The following ANKFY1 variants were observed in gnomAD, a reference collection of about 807,000 sequenced individuals.
ANKFY1 encodes the protein ankyrin repeat and FYVE domain containing 1, also known as ankyrin repeat and FYVE domain-containing protein 1.
Under a neutral mutation model 128.3 loss-of-function variants are expected in ANKFY1, and 47 were observed. The observed-to-expected ratio is 0.37, with a 90% CI of 0.29 to 0.47. The LOEUF (loss-of-function observed/expected upper bound fraction) is 0.47. Ranked by LOEUF, ANKFY1 falls within the 20% of genes least tolerant of loss-of-function variation. ANKFY1 has a pLI of 1.00. For missense variants in ANKFY1, 1,222 were observed against 1,510.6 expected (o/e 0.81, Z 3.17); for synonymous variants, 553 against 601.6 (o/e 0.92, Z 1.18).
rs547977256 is a variant in ANKFY1 at position 4,173,767 on chromosome 17, C to T, written c.2923+142G>A. On this transcript the variant is annotated intron_variant, in intron 20 of 24. Coordinates refer to ENST00000341657, the MANE Select transcript of ANKFY1 (RefSeq NM_001330063.2). ...GGCCTGGGCAGTCGCAGGTTGGATG[C>T]TCTACCCAGAGCACTTCCTGTCACA... The T allele has an allele frequency of 5.0e-6, 6 of 1,196,838 alleles. No homozygotes were observed. The African/African-American group carries it at 6.1e-5, about 12-fold the overall frequency. The allele number at this position is 1,196,838 out of a possible 1,614,324, so 74.1% of individuals were successfully genotyped here.
intron 4 of ANKFY1, among the ~76,000 whole-genome samples, chr17:4,214,856 G>A (rs2060194677): frequency 6.6e-6 from 1 of 152,088 alleles, no homozygotes; most frequent in Non-Finnish European, 1.5e-5. Context: ...ATGACAGAAG[G>A]TAAACAATGA....
chr17:4,246,096 T>C lies in ANKFY1; in HGVS notation c.11-3648A>G, dbSNP rs1474114469. 2.0e-5 allele frequency among the ~76,000 whole-genome samples: 3 copies of C among 151,910 alleles called. 1 individual carries two copies. The highest frequency in any genetic ancestry group is 4.1e-4 in the South Asian group (2 of 4,820). On this transcript the variant is annotated intron_variant, in intron 1 of 24. Coordinates refer to ENST00000341657, the MANE Select transcript of ANKFY1 (RefSeq NM_001330063.2). ...ACCAAAGAAAAAAAATTATGAGTAA[T>C]AGAGAAGACAGGCAATTAAGCCAAC...
chr17:4,216,702 AT>A, intron 4 of ANKFY1: 1 of 417,106 alleles, frequency 2.4e-6, no homozygotes, highest in African/African-American at 2.0e-5. Context: ...AAGTTTGGAC[AT>A]TGGATTATAT....
chr17:4,223,770 A>G lies in ANKFY1; in HGVS notation c.323-6652T>C. 1.9e-6 allele frequency: 3 copies of G among 1,550,746 alleles called. No individual in the cohort carries two copies. In the South Asian group the frequency reaches 3.4e-5, roughly 17 times the overall value. On this transcript the variant is annotated intron_variant, in intron 3 of 24. Coordinates refer to ENST00000341657, the MANE Select transcript of ANKFY1 (RefSeq NM_001330063.2). Reference sequence around the variant, plus strand: ...GCCTTAGATCCGGGGGAGAGGCCCAAGTTTCAGCAGCTGGTACAGTGTCTC... The same window carrying G: ...GCCTTAGATCCGGGGGAGAGGCCCAGGTTTCAGCAGCTGGTACAGTGTCTC...
chr17:4,223,057 GGC>G, intron 3 of ANKFY1: 1 of 738,834 alleles, frequency 1.4e-6, no homozygotes, highest in Non-Finnish European at 2.5e-6. Context: ...GGTACTCTTG[GGC>G]ATATTTTCCA....
chr17:4,249,309 T>C (rs1168693545), intron 1 of ANKFY1: 1 of 154,028 alleles, frequency 6.5e-6, no homozygotes, highest in Non-Finnish European at 1.4e-5. Context: ...AAAAATACTT[T>C]ATTTATGAAC....
intron 3 of ANKFY1, among the ~76,000 whole-genome samples, chr17:4,221,385 C>T (rs934754162): frequency 6.6e-6 from 1 of 152,010 alleles, no homozygotes; most frequent in Non-Finnish European, 1.5e-5. Context: ...CTAATTTTTG[C>T]ATTTTTAGGA....
rs936730792 is a variant in ANKFY1 at position 4,178,354 on chromosome 17, G to T, written c.2598+503C>A. The T allele has an allele frequency of 3.2e-5, 6 of 185,350 alleles. No homozygotes were observed. The highest frequency in any genetic ancestry group is 5.8e-5 in the Non-Finnish European group (5 of 85,746). 11.5% of individuals were successfully genotyped at this position (185,350 alleles called of 1,614,324 possible). On this transcript the variant is annotated intron_variant, in intron 18 of 24. Coordinates refer to ENST00000341657, the MANE Select transcript of ANKFY1 (RefSeq NM_001330063.2). This position sits in a 1 kb window ranked among gnomAD's most constrained non-coding sequence, Gnocchi z 4.1. ...TGATAAACCCACCCCCTCCTACTCAGATCAGTTGTGATTGTCATTTCCCAG... is the reference window on the plus strand; with the variant it reads ...TGATAAACCCACCCCCTCCTACTCATATCAGTTGTGATTGTCATTTCCCAG...
intron 2 of ANKFY1, among the ~76,000 whole-genome samples, chr17:4,236,632 G>A (rs976053383): frequency 3.9e-5 from 6 of 152,158 alleles, no homozygotes; most frequent in African/African-American, 1.4e-4. Context: ...TGACCCACTA[G>A]GCTGACACGA....
intron 5 of ANKFY1, among the ~76,000 whole-genome samples, chr17:4,208,815 G>A (rs2143016574): frequency 6.6e-6 from 1 of 152,286 alleles, no homozygotes; most frequent in East Asian, 1.9e-4. Context: ...AGCACTTTGG[G>A]AGGCCGAGGT....
intron 12 of ANKFY1, among the ~76,000 whole-genome samples, chr17:4,184,508 T>C (rs886212916): frequency 3.9e-5 from 6 of 152,144 alleles, no homozygotes; most frequent in Non-Finnish European, 8.8e-5. Context: ...TCAAAGACAG[T>C]GCTCACACCG....
intron 1 of ANKFY1, among the ~76,000 whole-genome samples, chr17:4,260,180 A>C (rs777020274): frequency 6.6e-6 from 1 of 152,208 alleles, no homozygotes; most frequent in Non-Finnish European, 1.5e-5. Context: ...AGGAGTATTA[A>C]GAAGAGTAGG....
At chr17:4,224,658 CTGTTTGTT>C (rs139072627) in intron 3 of ANKFY1, among the ~76,000 whole-genome samples, 53 of 151,572 alleles carry the variant, frequency 3.5e-4, no homozygotes, top group Middle Eastern at 3.4e-3. Context: ...GCATGGAAAA[CTGTTTGTT>C]TGTTTTTTTT....
chr17:4,263,476 CCACCTCA>C, intron 1 of ANKFY1: 73 of 793,054 alleles, frequency 9.2e-5, no homozygotes, highest in East Asian at 2.6e-4. Flanking sequence ...CCACCCCACC[CCACCTCA>C]CCCCAACCCA....
chr17:4,190,338 G>C (rs953193827), intron 10 of ANKFY1, among the ~76,000 whole-genome samples: 1 of 152,166 alleles, frequency 6.6e-6, no homozygotes, highest in African/African-American at 2.4e-5. Context: ...CTACTCGGGA[G>C]GCTGAGACAC....
At chr17:4,175,555 G>C (rs2059397771) in intron 19 of ANKFY1, among the ~76,000 whole-genome samples, 1 of 152,128 alleles carries the variant, frequency 6.6e-6, no homozygotes, top group Non-Finnish European at 1.5e-5. Flanking sequence ...GCCACCCCTG[G>C]TTCCTCCGTG....
rs537797573 is a variant in ANKFY1 at position 4,173,933 on chromosome 17, C to T, written c.2899G>A (p.Ala967Thr). The stretch of plus-strand genomic sequence containing the variant: ...CCATTGTTTCCATTCTCATCCACGG[C>T]AGCAAAGTCCACGCCATTCTCTAGG... ...VLLENGVDFA[A>T]VDENGNNALH... The change falls in exon 20 of 25, where the codon GCC (alanine) becomes ACC (threonine). Residue 967 changes from alanine (A) to threonine (T), a missense_variant. Physicochemically the swap from Ala to Thr is moderately conservative, Grantham distance 58. Coordinates refer to ENST00000341657, the MANE Select transcript of ANKFY1 (RefSeq NM_001330063.2). 6.2e-6 allele frequency: 10 copies of T among 1,613,710 alleles called. No homozygotes were observed. The highest frequency in any genetic ancestry group is 1.1e-5 in the South Asian group (1 of 91,074).
chr17:4,230,955 C>G (rs2060503439), intron 3 of ANKFY1, among the ~76,000 whole-genome samples: 1 of 152,142 alleles, frequency 6.6e-6, no homozygotes, highest in African/African-American at 2.4e-5. Flanking sequence ...ATACCATTAA[C>G]TAATTATAGG....
chr17:4,247,523 G>A (rs1423867496), intron 1 of ANKFY1, among the ~76,000 whole-genome samples: 1 of 152,132 alleles, frequency 6.6e-6, no homozygotes, highest in Non-Finnish European at 1.5e-5. Flanking sequence ...ATGCACTCAG[G>A]CAGCTTATGA....
Sources: gnomAD v4.1 joint callset for allele counts (sites outside exome capture counted in the v4.1 genomes callset) on GRCh38, gnomAD v4.1.1 for gene constraint, Gnocchi (gnomAD v3.1) non-coding constraint, MANE v1.5 for transcripts, NCBI Gene and HGNC (gene_info 2026-07-23, HGNC 2026-07-21) for gene names.